The following BNC2 variants were observed in gnomAD, a reference collection of about 807,000 sequenced individuals.
BNC2 encodes the protein basonuclin zinc finger protein 2.
A neutral mutation model predicts 76.3 loss-of-function variants in BNC2; 20 were observed. The ratio of observed to expected loss-of-function variants is 0.26; its 90% CI spans 0.18 to 0.38. The LOEUF (loss-of-function observed/expected upper bound fraction) is 0.38, where lower values mean the gene tolerates loss of function less well. Ranked by LOEUF, BNC2 falls within the 10% of genes least tolerant of loss-of-function variation. BNC2 has a pLI of 1.00. For missense variants in BNC2, 1,382 were observed against 1,399.8 expected (o/e 0.99, Z 0.20); for synonymous variants, 582 against 514.8 (o/e 1.13, Z -1.77).
chr9:16,608,274 A>G (rs1201325210), intron 3 of BNC2, among the ~76,000 whole-genome samples: 2 of 152,156 alleles, frequency 1.3e-5, no homozygotes, highest in African/African-American at 2.4e-5. Flanking sequence ...AATTTTGTAC[A>G]CATTAGAAAT....
chr9:16,694,776 A>G (rs10733313), intron 3 of BNC2, among the ~76,000 whole-genome samples: 93,604 of 152,040 alleles, frequency 0.62, 32,072 homozygotes, highest in Non-Finnish European at 0.8. Flanking sequence ...GTCATACTGT[A>G]TACTACACAA....
chr9:16,445,912 T>C (rs1466546166), intron 5 of BNC2, among the ~76,000 whole-genome samples: 1 of 152,222 alleles, frequency 6.6e-6, no homozygotes, highest in Non-Finnish European at 1.5e-5. Flanking sequence ...ATATCTTTCC[T>C]ATTCTTCCTC....
chr9:16,590,766 C>A (rs906204987), intron 3 of BNC2, among the ~76,000 whole-genome samples: 27 of 152,050 alleles, frequency 1.8e-4, no homozygotes, highest in African/African-American at 5.6e-4. Context: ...ATGATCATAC[C>A]ACTGCACTCC....
At chr9:16,659,948 A>G (rs1334524682) in intron 3 of BNC2, among the ~76,000 whole-genome samples, 1 of 152,236 alleles carries the variant, frequency 6.6e-6, no homozygotes, top group Non-Finnish European at 1.5e-5. Flanking sequence ...ACCTCCAGCA[A>G]CCAAATAGAT....
intron 5 of BNC2, among the ~76,000 whole-genome samples, chr9:16,544,178 A>C (rs1818404794): frequency 6.6e-6 from 1 of 152,170 alleles, no homozygotes; most frequent in African/African-American, 2.4e-5. Flanking sequence ...TTTAGAGCTC[A>C]CCGATTAGAG....
At chr9:16,748,441 G>A (rs1044620337) in intron 1 of BNC2, among the ~76,000 whole-genome samples, 2 of 152,106 alleles carry the variant, frequency 1.3e-5, no homozygotes, top group Non-Finnish European at 2.9e-5. Context: ...TGAGCCCGGG[G>A]TGGTCGAGGC....
chr9:16,684,162 A>G (rs1411866517), intron 3 of BNC2, among the ~76,000 whole-genome samples: 3 of 152,308 alleles, frequency 2.0e-5, no homozygotes, highest in East Asian at 1.9e-4. Flanking sequence ...AAGGTTTAAA[A>G]ACAGATTTCC....
chr9:16,510,313 G>C (rs1822723260), intron 5 of BNC2, among the ~76,000 whole-genome samples: 1 of 152,148 alleles, frequency 6.6e-6, no homozygotes, highest in African/African-American at 2.4e-5. Flanking sequence ...CTGAGTTGCT[G>C]ATTTTCCTAG....
intron 3 of BNC2, among the ~76,000 whole-genome samples, chr9:16,714,345 T>A (rs1823938491): frequency 6.6e-6 from 1 of 152,268 alleles, no homozygotes; most frequent in Admixed American, 6.5e-5. Context: ...CTACCTCTTT[T>A]ACTTCAGTGC....
intron 3 of BNC2, chr9:16,727,083 G>A (rs963002676): frequency 1.3e-5 from 2 of 152,438 alleles, no homozygotes; most frequent in Non-Finnish European, 2.9e-5. Context: ...GCGGCTCTGG[G>A]GAAGACGCCG....
intron 5 of BNC2, among the ~76,000 whole-genome samples, chr9:16,515,970 T>C (rs1408831003): frequency 6.7e-6 from 1 of 150,138 alleles, no homozygotes; most frequent in African/African-American, 2.4e-5. Flanking sequence ...AGACTGCCAC[T>C]ACCATAAAAG....
At chr9:16,768,882 A>C (rs551268628) in intron 1 of BNC2, among the ~76,000 whole-genome samples, 1 of 152,342 alleles carries the variant, frequency 6.6e-6, no homozygotes, top group South Asian at 2.1e-4. Context: ...TTCAGAAACG[A>C]GAGAAAGACA....
intron 1 of BNC2, among the ~76,000 whole-genome samples, chr9:16,748,325 G>A (rs1017539971): frequency 5.9e-5 from 9 of 151,996 alleles, no homozygotes; most frequent in Non-Finnish European, 1.3e-4. Flanking sequence ...ACCAGCCTGG[G>A]CAATATGGCA....
chr9:16,743,910 G>C (rs1423296539), intron 1 of BNC2, among the ~76,000 whole-genome samples: 1 of 152,040 alleles, frequency 6.6e-6, no homozygotes, highest in Non-Finnish European at 1.5e-5. Context: ...CACTATTCTC[G>C]GTTTTTTTCC....
intron 1 of BNC2, among the ~76,000 whole-genome samples, chr9:16,818,441 G>A (rs536736947): frequency 6.6e-6 from 1 of 152,258 alleles, no homozygotes; most frequent in African/African-American, 2.4e-5. Flanking sequence ...GGAAGGGAGA[G>A]AGAACCGGTT....
At chr9:16,587,701 C>G (rs1819812175) in intron 3 of BNC2, among the ~76,000 whole-genome samples, 1 of 152,136 alleles carries the variant, frequency 6.6e-6, no homozygotes, top group Non-Finnish European at 1.5e-5. Flanking sequence ...GTCCATTCTC[C>G]TTGGTTGGAC....
At chr9:16,726,119 C>A (rs989826138) in intron 3 of BNC2, among the ~76,000 whole-genome samples, 2 of 152,202 alleles carry the variant, frequency 1.3e-5, no homozygotes, top group Admixed American at 6.5e-5. Context: ...TGCATTCCAA[C>A]ACGCGAGAGC....
intron 3 of BNC2, among the ~76,000 whole-genome samples, chr9:16,585,179 G>A (rs1207190089): frequency 2.0e-5 from 3 of 151,974 alleles, no homozygotes; most frequent in Non-Finnish European, 4.4e-5. Context: ...TATTTAAGAC[G>A]AGAACAAATT....
At chr9:16,558,291 TAGAA>T (rs1249688194) in intron 4 of BNC2, among the ~76,000 whole-genome samples, 1 of 152,236 alleles carries the variant, frequency 6.6e-6, no homozygotes, top group Non-Finnish European at 1.5e-5. Context: ...GGAACTTACT[TAGAA>T]CTACTGGGAA....
Sources: allele counts gnomAD v4.1 joint callset (sites outside exome capture counted in the v4.1 genomes callset), GRCh38; gene constraint gnomAD v4.1.1; transcripts MANE v1.5; gene names NCBI Gene and HGNC (gene_info 2026-07-23, HGNC 2026-07-21).